CHD9: variants seen among roughly 807,000 people sequenced by gnomAD.
CHD9 encodes ATP-dependent chromatin remodeler CHD9.
CHD9 carries 77 observed loss-of-function variants against 316.1 expected under a neutral mutation model. That is an observed-to-expected ratio of 0.24 (90% confidence interval 0.20 to 0.29). CHD9 has a LOEUF of 0.29. Among genes scored for constraint, CHD9 ranks in the 10% least tolerant of loss-of-function variants. The pLI is 1.00. For missense variants in CHD9, 2,763 were observed against 3,438.1 expected (o/e 0.80, Z 4.91); for synonymous variants, 1,129 against 1,158.3 (o/e 0.97, Z 0.51).
intron 30 of CHD9, among the ~76,000 whole-genome samples, chr16:53,301,004 C>A (rs141355572): frequency 6.6e-6 from 1 of 152,074 alleles, no homozygotes; most frequent in Admixed American, 6.5e-5. Context: ...GCCTGGGAGG[C>A]GGAGGTTGCA....
At chr16:53,267,247 G>A in intron 20 of CHD9, 47 bp from the exon 21 acceptor site, 2 of 1,348,876 alleles carry the variant, frequency 1.5e-6, no homozygotes, top group Non-Finnish European at 1.0e-6. Context: ...ACTGTTGTAA[G>A]CAAAATCATA....
At chr16:53,267,559 T>C in intron 21 of CHD9, 69 bp downstream of exon 21, 1 of 1,094,858 alleles carries the variant, frequency 9.1e-7, no homozygotes, top group Admixed American at 2.7e-5. Flanking sequence ...TATATACTGG[T>C]TTTGAGTATA....
intron 24 of CHD9, among the ~76,000 whole-genome samples, chr16:53,277,747 G>A (rs1319785883): frequency 6.6e-6 from 1 of 152,088 alleles, no homozygotes; most frequent in Non-Finnish European, 1.5e-5. Flanking sequence ...CATAGTACTG[G>A]AAGTCCTAGC....
intron 1 of CHD9, among the ~76,000 whole-genome samples, chr16:53,110,511 A>C (rs1454976968): frequency 6.6e-6 from 1 of 152,228 alleles, no homozygotes; most frequent in Non-Finnish European, 1.5e-5. Flanking sequence ...CTGTAATCCC[A>C]GCACTTTGGG....
chr16:53,274,582 A>G (rs1172117693), intron 24 of CHD9, among the ~76,000 whole-genome samples: 2 of 152,042 alleles, frequency 1.3e-5, no homozygotes, highest in Non-Finnish European at 2.9e-5. Flanking sequence ...CAGCCTCCCG[A>G]GTAGCTGGGA....
At chr16:53,160,712 G>A (rs1001430712) in intron 2 of CHD9, among the ~76,000 whole-genome samples, 9 of 152,114 alleles carry the variant, frequency 5.9e-5, no homozygotes, top group South Asian at 2.1e-4. Context: ...TTCAAGACCC[G>A]CCTGGCCAAC....
intron 22 of CHD9, among the ~76,000 whole-genome samples, chr16:53,272,822 A>T (rs1291033773): frequency 6.6e-6 from 1 of 152,176 alleles, no homozygotes; most frequent in Non-Finnish European, 1.5e-5. Flanking sequence ...AGTGAATTTG[A>T]TAGGAGAGGA....
At chr16:53,087,685 T>A (rs375411087) in intron 1 of CHD9, among the ~76,000 whole-genome samples, 1 of 152,152 alleles carries the variant, frequency 6.6e-6, no homozygotes, top group Non-Finnish European at 1.5e-5. Context: ...CAGTGGCTCA[T>A]GCCTGTAATC....
intron 1 of CHD9, among the ~76,000 whole-genome samples, chr16:53,134,950 T>C (rs1333733188): frequency 6.6e-6 from 1 of 152,172 alleles, no homozygotes; most frequent in African/African-American, 2.4e-5. Context: ...AATGGAAAAT[T>C]ACAACTTATG....
At chr16:53,060,845 C>A (rs1248793353) in intron 1 of CHD9, among the ~76,000 whole-genome samples, 1 of 151,516 alleles carries the variant, frequency 6.6e-6, no homozygotes. Context: ...CACTTCAGAC[C>A]AGGAGTTTGA....
intron 19 of CHD9, among the ~76,000 whole-genome samples, chr16:53,262,586 A>C (rs1376208309): frequency 6.6e-6 from 1 of 152,170 alleles, no homozygotes; most frequent in Non-Finnish European, 1.5e-5. Context: ...AATGTGATGA[A>C]AATAAACTAG....
intron 20 of CHD9, among the ~76,000 whole-genome samples, chr16:53,263,595 G>GTGCTTATT (rs2051355825): frequency 6.6e-6 from 1 of 152,028 alleles, no homozygotes; most frequent in Non-Finnish European, 1.5e-5. Flanking sequence ...TATTTACTAA[G>GTGCTTATT]ACACACTTGT....
rs151010861 is a variant in CHD9 at position 53,292,930 on chromosome 16, T to C, written c.5388T>C (p.Asn1796=). ...RRLITAYQRT[N]KNRQIQQIQP... ...TCATCACTGCATACCAGCGTACTAA[T>C]AAAAACAGACAAATTCAGCAGATAC... The change falls in exon 29 of 39, where the codon AAT becomes AAC. Residue 1796 remains asparagine, a synonymous_variant. Transcript: ENST00000447540. 3.5e-5 allele frequency: 57 copies of C among 1,613,774 alleles called. No homozygotes were observed. The African/African-American group carries it at 3.9e-4, about 11-fold the overall frequency.
intron 2 of CHD9, among the ~76,000 whole-genome samples, chr16:53,198,763 A>T (rs8043899): frequency 0.97 from 148,407 of 152,298 alleles, 72,342 homozygotes; most frequent in East Asian, 1. Flanking sequence ...CTCAATTGTT[A>T]AAAATGTATG....
intron 2 of CHD9, among the ~76,000 whole-genome samples, chr16:53,185,466 A>G (rs1356223578): frequency 6.6e-6 from 1 of 152,304 alleles, no homozygotes; most frequent in South Asian, 2.1e-4. Context: ...TTCAAGAGGA[A>G]GCAGAGCATA....
chr16:53,200,595 A>T (rs992721916), intron 2 of CHD9, among the ~76,000 whole-genome samples: 1 of 152,176 alleles, frequency 6.6e-6, no homozygotes, highest in Admixed American at 6.5e-5. Flanking sequence ...AAAATGTGGA[A>T]GGAATTATGG....
intron 1 of CHD9, among the ~76,000 whole-genome samples, chr16:53,149,865 C>G (rs1022980088): frequency 2.6e-5 from 4 of 151,704 alleles, no homozygotes; most frequent in African/African-American, 9.7e-5. Context: ...GCAAGGCCCT[C>G]TTGTAACCTT....
chr16:53,210,810 G>A (rs914146027), intron 3 of CHD9, among the ~76,000 whole-genome samples: 3 of 151,862 alleles, frequency 2.0e-5, no homozygotes, highest in Non-Finnish European at 2.9e-5. Context: ...AAATGTAACC[G>A]CCAAATTATT....
chr16:53,268,053 G>C lies in CHD9; in HGVS notation c.4644G>C (p.Lys1548Asn). Residue 1548 changes from lysine (K) to asparagine (N), a missense_variant, in exon 22 of 39, where the codon AAG becomes AAC. By Grantham distance (94) the Lys-to-Asn change is moderately conservative. Transcript: ENST00000447540. ...TTGTTCACTACCGAGGAGATGAGAA[G>C]ATTAAAGGTTTCATATGGGATCTCA... ...YCLVHYRGDE[K>N]IKGFIWDLIT... 1 of 1,613,424 alleles carries C rather than the reference G, an allele frequency of 6.2e-7. No individual in the cohort carries two copies. The highest frequency in any genetic ancestry group is 8.5e-7 in the Non-Finnish European group (1 of 1,179,628).
Sources: allele counts gnomAD v4.1 joint callset (sites outside exome capture counted in the v4.1 genomes callset), GRCh38; gene constraint gnomAD v4.1.1; transcripts MANE v1.5; gene names NCBI Gene and HGNC (gene_info 2026-07-23, HGNC 2026-07-21).